Variants in KRT6B observed in about 807,000 individuals in gnomAD.
The protein encoded by KRT6B is keratin 6B.
KRT6B carries 29 observed loss-of-function variants against 44.7 expected under a neutral mutation model. The ratio of observed to expected loss-of-function variants is 0.65; its 90% CI spans 0.48 to 0.88. The LOEUF (loss-of-function observed/expected upper bound fraction) is 0.88, where lower values mean the gene tolerates loss of function less well. Among genes scored for constraint, KRT6B ranks in the 40% least tolerant of loss-of-function variants. The probability of loss-of-function intolerance (pLI) is 0.00; values close to 1 mark genes in which losing one functional copy is unlikely to be tolerated. For synonymous variants in KRT6B, 213 were observed against 296.0 expected (o/e 0.72, Z 2.88); for missense variants, 600 against 724.0 (o/e 0.83, Z 1.97).
chr12:52,450,684 A>G, intron 1 of KRT6B, 64 bp from the exon 2 acceptor site: 1 of 1,612,162 alleles, frequency 6.2e-7, no homozygotes, highest in Non-Finnish European at 8.5e-7. Flanking sequence ...TCTGGTATCC[A>G]GTTTCCTGGA....
rs751774991 is a variant in KRT6B at position 52,451,595 on chromosome 12, C to T, written c.484G>A (p.Glu162Lys). ...IDPAIQRVRA[E>K]EREQIKTLNN... ...AGGGTCTTGATCTGCTCACGCTCCT[C>T]GGCCCGCACCCGCTGGATGGCGGGG... Residue 162 changes from glutamate (E) to lysine (K), a missense_variant, in exon 1 of 9, where the codon GAG becomes AAG. Glu to Lys is a moderately conservative substitution (Grantham distance 56, BLOSUM62 1). Around this residue, in one of 4 missense-constraint regions of KRT6B, gnomAD observed 31 missense variants for 79.0 expected, o/e 0.39. Coordinates refer to ENST00000252252, the MANE Select transcript of KRT6B (RefSeq NM_005555.4). 16 of 1,613,538 alleles carry T rather than the reference C, an allele frequency of 9.9e-6. No homozygotes were observed. The highest frequency in any genetic ancestry group is 2.2e-5 in the East Asian group (1 of 44,880).
intron 5 of KRT6B, 75 bp downstream of exon 5, chr12:52,449,394 C>A: frequency 1.2e-6 from 2 of 1,605,470 alleles, no homozygotes; most frequent in Non-Finnish European, 1.7e-6. Context: ...GGGATGTCCC[C>A]AGTGAAGTCT....
At chr12:52,450,116 G>A in intron 2 of KRT6B, 44 bp from the exon 3 acceptor site, 1 of 1,613,792 alleles carries the variant, frequency 6.2e-7, no homozygotes, top group Non-Finnish European at 8.5e-7. Context: ...CAGTGGGTAG[G>A]ATGAAACAGA....
chr12:52,450,278 G>T lies in KRT6B; in HGVS notation c.755+128C>A, dbSNP rs1298287539. On this transcript the variant is annotated intron_variant, in intron 2 of 8. Transcript: ENST00000252252. ...CCCATAACCATCTGTGGTTCTTGCAGGTTTGCTCCTAGGGACTAATTTGTG... is the reference window on the plus strand; with the variant it reads ...CCCATAACCATCTGTGGTTCTTGCATGTTTGCTCCTAGGGACTAATTTGTG... The T allele has an allele frequency of 1.7e-5, 24 of 1,447,574 alleles. No individual in the cohort carries two copies. In the Admixed American group the frequency reaches 4.2e-4, roughly 25 times the overall value. The allele number at this position is 1,447,574 out of a possible 1,614,324, so 89.7% of individuals were successfully genotyped here. A position where few individuals can be genotyped will look rare whatever the true frequency, so the allele number is the denominator to read the frequency against.
At chr12:52,448,443 T>C (rs568334827) in intron 6 of KRT6B, among the ~76,000 whole-genome samples, 14 of 152,308 alleles carry the variant, frequency 9.2e-5, no homozygotes, top group African/African-American at 2.9e-4. Context: ...CACGTTTTCC[T>C]TCCTCATAGC....
At chr12:52,447,662 A>G (rs1940332772) in intron 7 of KRT6B, 89 bp from the exon 8 acceptor site, 3 of 1,613,814 alleles carry the variant, frequency 1.9e-6, no homozygotes, top group Admixed American at 1.7e-5. Context: ...GAAAACTTTT[A>G]GTTTTCTCCC....
At chr12:52,448,788 T>A in intron 6 of KRT6B, 54 bp downstream of exon 6, 1 of 1,613,842 alleles carries the variant, frequency 6.2e-7, no homozygotes, top group Non-Finnish European at 8.5e-7. Flanking sequence ...GACTACTGCC[T>A]CATGACCTAA....
In KRT6B at chr12:52,449,990, A is replaced by G. The variant is rs758727706; in HGVS notation, c.816+22T>C. 21 of 1,613,702 alleles carry G rather than the reference A, an allele frequency of 1.3e-5. No individual in the cohort carries two copies. The East Asian group carries it at 3.6e-4, about 27-fold the overall frequency. On this transcript the variant is annotated intron_variant, in intron 3 of 8. Transcript: ENST00000252252. Reference sequence around the variant, plus strand: ...CTTCTCTCCTTCTAAATGAATTTGAACCCCTGGCTTCATCTGCTCACCTTC... The same window carrying G: ...CTTCTCTCCTTCTAAATGAATTTGAGCCCCTGGCTTCATCTGCTCACCTTC...
intron 6 of KRT6B, 64 bp downstream of exon 6, chr12:52,448,778 G>A: frequency 1.9e-6 from 3 of 1,612,988 alleles, no homozygotes; most frequent in Non-Finnish European, 1.7e-6. Context: ...AATGATGGGT[G>A]ACTACTGCCT....
chr12:52,448,784 T>C, intron 6 of KRT6B, 58 bp downstream of exon 6: 1 of 1,613,810 alleles, frequency 6.2e-7, no homozygotes, highest in Non-Finnish European at 8.5e-7. Flanking sequence ...GGGTGACTAC[T>C]GCCTCATGAC....
chr12:52,448,926 G>C lies in KRT6B; in HGVS notation c.1119C>G (p.Asp373Glu), dbSNP rs1940353884. The C allele has an allele frequency of 6.2e-7, 1 of 1,613,736 alleles. No individual in the cohort carries two copies. Residue 373 changes from aspartate to glutamate, a missense_variant, in exon 6 of 9, where the codon GAC (aspartate) becomes GAG (glutamate). Transcript: ENST00000252252. Reference protein sequence around the residue: ...LQITAGRHGDDLRNTKQEIAE... With the variant: ...LQITAGRHGDELRNTKQEIAE... The stretch of plus-strand genomic sequence containing the variant: ...CAATCTCCTGCTTGGTGTTGCGCAG[G>C]TCGTCCCCATGTCTGCCTGCTGTGA...
rs1592168789 is a variant in KRT6B, at chr12:52,447,170, T to C, written c.*20A>G. The stretch of plus-strand genomic sequence containing the variant: ...GAGAGGGGCCTGAGAGCTGTGGGAC[T>C]GAGAGCTGGCGGCAGCACTTCAGTG... On this transcript the variant is annotated 3_prime_UTR_variant, in exon 9 of 9. Transcript: ENST00000252252. 6.2e-7 allele frequency: 1 copy of C among 1,613,660 alleles called. No homozygotes were observed. Among genetic ancestry groups the C allele is most frequent in the Non-Finnish European group, 8.5e-7 (1 of 1,179,888 alleles).
In KRT6B at chr12:52,451,929, T is replaced by G; in HGVS notation, c.150A>C (p.Ala50=). The change falls in exon 1 of 9, where the codon GCA becomes GCC. Residue 50 remains alanine (A), a synonymous_variant. Coordinates refer to ENST00000252252, the MANE Select transcript of KRT6B (RefSeq NM_005555.4). ...RSRGSGGLGG[A]CGGAGFGSRS... ...GGCTGCCAAAGCCAGCTCCTCCACATGCGCCACCCAGGCCACCACTGCCCC... is the reference window on the plus strand; with the variant it reads ...GGCTGCCAAAGCCAGCTCCTCCACAGGCGCCACCCAGGCCACCACTGCCCC... 6.2e-7 allele frequency: 1 copy of G among 1,613,126 alleles called. No individual in the cohort carries two copies. The highest frequency in any genetic ancestry group is 8.5e-7 in the Non-Finnish European group (1 of 1,179,968).
At chr12:52,450,310 A>C in intron 2 of KRT6B, 96 bp downstream of exon 2, 1 of 1,499,660 alleles carries the variant, frequency 6.7e-7, no homozygotes, top group Non-Finnish European at 9.3e-7. Context: ...TGTGCTTTTC[A>C]TTTCCATGGA....
At chr12:52,450,708 C>G in intron 1 of KRT6B, 88 bp from the exon 2 acceptor site, 1 of 1,592,618 alleles carries the variant, frequency 6.3e-7, no homozygotes, top group Non-Finnish European at 8.6e-7. Flanking sequence ...CTGGGAGGTC[C>G]CCATGGTGCT....
At position 52,449,488 on chromosome 12, in the gene KRT6B, T is replaced by G; in HGVS notation, c.1058A>C (p.Glu353Ala). The G allele has an allele frequency of 6.2e-7, 1 of 1,614,194 alleles. No individual in the cohort carries two copies. The highest frequency in any genetic ancestry group is 8.5e-7 in the Non-Finnish European group (1 of 1,180,042). Residue 353 changes from glutamate to alanine, a missense_variant, in exon 5 of 9, where the codon GAG becomes GCG. Physicochemically the swap from Glu to Ala is moderately radical, Grantham distance 107. Transcript: ENST00000252252. The stretch of plus-strand genomic sequence containing the variant: ...GCTCACCTTTGTCTGGTACCAGGAC[T>G]CAGCCTCAGCCCTGCTCCTCTGAGC... Reference protein sequence around the residue: ...EIAQRSRAEAESWYQTKYEEL... With the variant: ...EIAQRSRAEAASWYQTKYEEL...
intron 3 of KRT6B, 68 bp downstream of exon 3, chr12:52,449,944 G>T: frequency 8.7e-6 from 14 of 1,613,726 alleles, no homozygotes; most frequent in Non-Finnish European, 1.2e-5. Flanking sequence ...CCTCTCCCAG[G>T]GGAGCGAGGA....
At position 52,446,891 on chromosome 12, in the gene KRT6B, GT is replaced by G. The variant is rs1305135844; in HGVS notation, c.*298del. The G allele has an allele frequency of 1.9e-5, 9 of 468,550 alleles. No individual in the cohort carries two copies. Among genetic ancestry groups the G allele is most frequent in the Non-Finnish European group, 3.5e-5 (9 of 259,024 alleles). 29.0% of individuals were successfully genotyped at this position (468,550 alleles called of 1,614,324 possible). A position where few individuals can be genotyped will look rare whatever the true frequency, so the allele number is the denominator to read the frequency against. ...GCAGCTGGACCTAGACTGAGTTTCAGTTCTTATGGGGATATAGGTCATTTTC... is the reference window on the plus strand; with the variant it reads ...GCAGCTGGACCTAGACTGAGTTTCAGTCTTATGGGGATATAGGTCATTTTC... On this transcript the variant is annotated 3_prime_UTR_variant, in exon 9 of 9. Coordinates refer to ENST00000252252, the MANE Select transcript of KRT6B (RefSeq NM_005555.4).
chr12:52,447,915 C>T lies in KRT6B; in HGVS notation c.1287G>A (p.Gly429=). The T allele has an allele frequency of 6.2e-7, 1 of 1,614,198 alleles. No individual in the cohort carries two copies. Among genetic ancestry groups the T allele is most frequent in the Middle Eastern group, 1.6e-4 (1 of 6,062 alleles). ...TGGCCTTCTGCAGGGCATCCTCCAG[C>T]CCTTCCAGCTTGTTCTTAGCATCCT... ...ALKDAKNKLE[G]LEDALQKAKQ... Residue 429 remains glycine (G), a synonymous_variant, in exon 7 of 9, where the codon GGG becomes GGA. Coordinates refer to ENST00000252252, the MANE Select transcript of KRT6B (RefSeq NM_005555.4).
Sources: allele counts gnomAD v4.1 joint callset (sites outside exome capture counted in the v4.1 genomes callset), GRCh38; gene constraint gnomAD v4.1.1; regional missense constraint gnomAD v4.1.1; transcripts MANE v1.5; gene names NCBI Gene and HGNC (gene_info 2026-07-23, HGNC 2026-07-21).